LRP2: variants seen among roughly 807,000 people sequenced by gnomAD.
LRP2 encodes the protein LDL receptor related protein 2.
A neutral mutation model predicts 531.0 loss-of-function variants in LRP2; 172 were observed. The ratio of observed to expected loss-of-function variants is 0.32; its 90% CI spans 0.29 to 0.37. The LOEUF is 0.37. LRP2 is among the 10% of genes least tolerant of loss of function. The probability of loss-of-function intolerance (pLI) is 1.00; values close to 1 mark genes in which losing one functional copy is unlikely to be tolerated. For missense variants in LRP2, 5,167 were observed against 5,868.3 expected, an observed-to-expected ratio of 0.88 and a Z score of 3.90; for synonymous variants, 1,992 against 2,027.6, an observed-to-expected ratio of 0.98 and a Z score of 0.47.
At chr2:169,205,683 T>C (rs764072817) in intron 40 of LRP2, 46 bp from the exon 41 acceptor site, 26 of 1,539,188 alleles carry the variant, frequency 1.7e-5, no homozygotes, top group African/African-American at 2.9e-5. Context: ...GGGAACCTCA[T>C]AGTCCTTTAA....
At chr2:169,243,094 A>T (rs111266828) in intron 23 of LRP2, 22 bp from the exon 24 acceptor site, 1 of 1,550,604 alleles carries the variant, frequency 6.4e-7, no homozygotes, top group Admixed American at 1.7e-5. Context: ...AGAGAAAAGC[A>T]TTAGAAATTA....
At chr2:169,280,654 T>C in intron 10 of LRP2, 135 bp from the exon 11 acceptor site, 1 of 894,008 alleles carries the variant, frequency 1.1e-6, no homozygotes, top group Non-Finnish European at 1.8e-6. Context: ...CATAAACCTC[T>C]GAGGCAGACA....
At chr2:169,178,761 T>C (rs1311536808) in intron 52 of LRP2, among the ~76,000 whole-genome samples, 2 of 152,148 alleles carry the variant, frequency 1.3e-5, no homozygotes, top group Non-Finnish European at 2.9e-5. Flanking sequence ...TCTAAAATAG[T>C]GAAAATTTAA....
At chr2:169,314,135 G>A (rs114801573) in intron 3 of LRP2, among the ~76,000 whole-genome samples, 4,276 of 151,968 alleles carry the variant, frequency 0.028, 87 homozygotes, top group Non-Finnish European at 0.042. Context: ...ACAGTGGCTC[G>A]TGCCTTTAAT....
chr2:169,307,663 T>C (rs1436263856), intron 3 of LRP2, among the ~76,000 whole-genome samples: 1 of 152,194 alleles, frequency 6.6e-6, no homozygotes, highest in Non-Finnish European at 1.5e-5. Context: ...TTTAAAACTA[T>C]ATGGTAAAAA....
intron 58 of LRP2, among the ~76,000 whole-genome samples, chr2:169,170,921 G>GTGT (rs778090290): frequency 1.1e-5 from 1 of 91,846 alleles, no homozygotes; most frequent in Non-Finnish European, 2.0e-5. Context: ...CTCTCTCTCT[G>GTGT]TTTTTTTTTT....
chr2:169,144,275 A>G (rs1431899488), intron 70 of LRP2, among the ~76,000 whole-genome samples: 1 of 152,190 alleles, frequency 6.6e-6, no homozygotes, highest in African/African-American at 2.4e-5. Context: ...GATGGGGCCC[A>G]CGAATCTATA....
chr2:169,168,629 A>T lies in LRP2; in HGVS notation c.11545T>A (p.Cys3849Ser). The T allele has an allele frequency of 6.2e-7, 1 of 1,614,120 alleles. No individual in the cohort carries two copies. The highest frequency in any genetic ancestry group is 8.5e-7 in the Non-Finnish European group (1 of 1,179,998). The stretch of plus-strand genomic sequence containing the variant: ...GGCGGGATACAAACATGGTTTTTGC[A>T]TTCGAACATAGTAGCCTGGCAGTAT... ...GAYCQATMFE[C>S]KNHVCIPPYW... The change falls in exon 61 of 79, where the codon TGC (cysteine) becomes AGC (serine). Residue 3849 changes from cysteine to serine, a missense_variant. Around this residue, in one of 6 missense-constraint regions of LRP2, gnomAD observed 564 missense variants for 747.7 expected, o/e 0.75. Transcript: ENST00000649046.
In LRP2 at chr2:169,137,411, T is replaced by C. The variant is rs757334722; in HGVS notation, c.13601A>G (p.Lys4534Arg). Residue 4534 changes from lysine to arginine, a missense_variant, in exon 76 of 79, where the codon AAA becomes AGA. Coordinates refer to ENST00000649046, the MANE Select transcript of LRP2 (RefSeq NM_004525.3). ...TCTCACCTGGATTGGCTGAACCACT[T>C]TGACAGCACTGTCTCTGGCTGAGTA... ...PMYSARDSAV[K>R]VVQPIQVTVS... 4.3e-6 allele frequency: 7 copies of C among 1,613,606 alleles called. No homozygotes were observed. Among genetic ancestry groups the C allele is most frequent in the Admixed American group, 1.7e-5 (1 of 59,996 alleles).
intron 77 of LRP2, among the ~76,000 whole-genome samples, chr2:169,130,315 T>C (rs1245976507): frequency 1.3e-5 from 2 of 149,064 alleles, no homozygotes; most frequent in East Asian, 2.0e-4. Flanking sequence ...TGAGATGAAG[T>C]CTCACTCTGT....
chr2:169,332,775 C>G (rs932955679), intron 1 of LRP2, among the ~76,000 whole-genome samples: 4 of 152,158 alleles, frequency 2.6e-5, no homozygotes, highest in African/African-American at 9.7e-5. Flanking sequence ...ACATAATTTA[C>G]TCTAACGAAA....
chr2:169,244,952 G>T lies in LRP2; in HGVS notation c.3191-20C>A. The stretch of plus-strand genomic sequence containing the variant: ...TATTATCTACAATAGTAACAAACTG[G>T]TCATGAAGACATTTGTTTTTACAGC... On this transcript the variant is annotated intron_variant, in intron 21 of 78. Transcript: ENST00000649046. The T allele has an allele frequency of 6.2e-7, 1 of 1,614,024 alleles. No homozygotes were observed. Among genetic ancestry groups the T allele is most frequent in the East Asian group, 2.2e-5 (1 of 44,882 alleles).
chr2:169,207,007 C>A lies in LRP2; in HGVS notation c.6713G>T (p.Gly2238Val). Residue 2238 changes from glycine (G) to valine (V), a missense_variant, in exon 39 of 79, where the codon GGC becomes GTC. This residue lies in a region of LRP2 where 2,811 missense variants were observed against 3,058.0 expected (regional missense o/e 0.92). Transcript: ENST00000649046. Reference sequence around the variant, plus strand: ...GCCATCACTTCGGTCCACTGCCAAGCCCCGTGGTGTGACAATGCCCTCTGA... The same window carrying A: ...GCCATCACTTCGGTCCACTGCCAAGACCCGTGGTGTGACAATGCCCTCTGA... ...LVSEGIVTPR[G>V]LAVDRSDGYV... The A allele has an allele frequency of 6.2e-7, 1 of 1,614,200 alleles. No homozygotes were observed. The highest frequency in any genetic ancestry group is 8.5e-7 in the Non-Finnish European group (1 of 1,180,030).
At chr2:169,296,617 A>G (rs771496025) in intron 4 of LRP2, among the ~76,000 whole-genome samples, 19 of 152,010 alleles carry the variant, frequency 1.2e-4, no homozygotes, top group Non-Finnish European at 2.4e-4. Flanking sequence ...TGCAATAGAT[A>G]AGCTATCTGT....
intron 15 of LRP2, among the ~76,000 whole-genome samples, chr2:169,272,517 G>T (rs1351730956): frequency 6.6e-6 from 1 of 152,054 alleles, no homozygotes; most frequent in Non-Finnish European, 1.5e-5. Context: ...GTCAAAGTGG[G>T]GAGAAGTACA....
chr2:169,128,804 A>G lies in LRP2; in HGVS notation c.13827T>C (p.Val4609=). 6.2e-7 allele frequency: 1 copy of G among 1,614,106 alleles called. No individual in the cohort carries two copies. The highest frequency in any genetic ancestry group is 8.5e-7 in the Non-Finnish European group (1 of 1,179,998). Residue 4609 remains valine (V), a synonymous_variant, in exon 79 of 79, where the codon GTT becomes GTC. Transcript: ENST00000649046. ...AAGGTGATGGAGGTGGTGTCGCAGC[A>G]ACACTTTCCTTTTGCTCGTTCTCCA... The part of the protein sequence containing the change: ...AQMENEQKES[V]AATPPPSPSL...
At chr2:169,229,135 T>C (rs989374986) in intron 31 of LRP2, among the ~76,000 whole-genome samples, 3 of 152,128 alleles carry the variant, frequency 2.0e-5, no homozygotes, top group African/African-American at 7.2e-5. Context: ...CTTACAATTA[T>C]GACAATGGCA....
rs192687035 is a variant in LRP2 at position 169,227,155 on chromosome 2, C to T, written c.5228-567G>A. Among the ~76,000 whole-genome samples the T allele has an allele frequency of 2.5e-3, 388 of 152,296 alleles. 1 individual carries two copies. Among genetic ancestry groups the T allele is most frequent in the Middle Eastern group, 0.017 (5 of 294 alleles). On this transcript the variant is annotated intron_variant, in intron 31 of 78. Coordinates refer to ENST00000649046, the MANE Select transcript of LRP2 (RefSeq NM_004525.3). ...GTTACTTGACTAGTGTCTCTCTTCC[C>T]TATAAGATTTTAACTCCCAAAGGTC...
Position 169,236,027 on chromosome 2 carries a change from C to A in LRP2, c.4733G>T (p.Arg1578Leu), listed in dbSNP as rs111733491. Residue 1578 changes from arginine to leucine, a missense_variant, in exon 29 of 79, where the codon CGC becomes CTC. This residue lies in a region of LRP2 where 2,811 missense variants were observed against 3,058.0 expected (regional missense o/e 0.92). Transcript: ENST00000649046. Reference sequence around the variant, plus strand: ...GCCGTCCATGCTGGCTCGCTCGATGCGAGGGTGGTGGCCCCAGTCAGACCA... The same window carrying A: ...GCCGTCCATGCTGGCTCGCTCGATGAGAGGGTGGTGGCCCCAGTCAGACCA... The part of the protein sequence containing the change: ...LFWSDWGHHP[R>L]IERASMDGSM... 8 of 1,614,074 alleles carry A rather than the reference C, an allele frequency of 5.0e-6. No homozygotes were observed. The highest frequency in any genetic ancestry group is 3.3e-5 in the South Asian group (3 of 91,070).
Sources: gnomAD v4.1 joint callset for allele counts (sites outside exome capture counted in the v4.1 genomes callset) on GRCh38, gnomAD v4.1.1 for gene constraint, gnomAD v4.1.1 regional missense constraint, MANE v1.5 for transcripts, NCBI Gene and HGNC (gene_info 2026-07-23, HGNC 2026-07-21) for gene names.